The following FAM131A variants were observed in gnomAD, a reference collection of about 807,000 sequenced individuals.
The protein encoded by FAM131A is family with sequence similarity 131 member A.
Under a neutral mutation model 39.2 loss-of-function variants are expected in FAM131A, and 24 were observed. The ratio of observed to expected loss-of-function variants is 0.61; its 90% CI spans 0.44 to 0.86. FAM131A has a LOEUF of 0.86. Ranked by LOEUF, FAM131A falls within the 40% of genes least tolerant of loss-of-function variation. The pLI, the probability that FAM131A is intolerant of heterozygous loss-of-function variation, is 0.00. For missense variants in FAM131A, 373 were observed against 481.2 expected, an observed-to-expected ratio of 0.78 and a Z score of 2.10; for synonymous variants, 202 against 206.8, an observed-to-expected ratio of 0.98 and a Z score of 0.20.
At chr3:184,338,683 G>T in intron 2 of FAM131A, 154 bp downstream of exon 2, 1 of 943,826 alleles carries the variant, frequency 1.1e-6, no homozygotes. Flanking sequence ...CCCCCGTGCC[G>T]GTCTGCTCTG....
At chr3:184,341,992 C>T (rs769626974) in intron 3 of FAM131A, 74 bp from the exon 4 acceptor site, 3 of 1,581,892 alleles carry the variant, frequency 1.9e-6, no homozygotes, top group Non-Finnish European at 2.6e-6. Context: ...ACTACTGCCA[C>T]CCTTCCACCT....
chr3:184,341,917 C>G (rs746829802), intron 3 of FAM131A, 100 bp downstream of exon 3: 6 of 1,497,412 alleles, frequency 4.0e-6, no homozygotes, highest in South Asian at 1.1e-5. Context: ...TGGGGTCTCC[C>G]CTTTCTTCCC....
chr3:184,341,872 A>G, intron 3 of FAM131A, 55 bp downstream of exon 3: 1 of 1,590,602 alleles, frequency 6.3e-7, no homozygotes, highest in East Asian at 2.2e-5. Flanking sequence ...TCCCGTTTGC[A>G]CATCCCTTTG....
rs541804154 is a variant in FAM131A, at chr3:184,344,679, G to T, written c.810G>T (p.Arg270=). The T allele has an allele frequency of 3.7e-6, 6 of 1,612,362 alleles. No individual in the cohort carries two copies. The East Asian group carries it at 1.1e-4, about 30-fold the overall frequency. ...LEDGLLGSPA[R]LASQLLGDEL... ...ATGGGTTGTTGGGCTCCCCGGCCCG[G>T]CTGGCCTCCCAGCTGCTGGGCGATG... The change falls in exon 6 of 6, where the codon CGG becomes CGT. Residue 270 remains arginine, a synonymous_variant. Coordinates refer to ENST00000383847, the MANE Select transcript of FAM131A (RefSeq NM_144635.5).
intron 5 of FAM131A, among the ~76,000 whole-genome samples, 163 bp from the exon 6 acceptor site, chr3:184,344,332 T>C (rs986352826): frequency 3.9e-5 from 6 of 152,228 alleles, no homozygotes; most frequent in Non-Finnish European, 8.8e-5. Flanking sequence ...CAACTCACCA[T>C]TAAGGACACT....
At position 184,342,450 on chromosome 3, in the gene FAM131A, G is replaced by A. The variant is rs1187279940; in HGVS notation, c.508+202G>A. On this transcript the variant is annotated intron_variant, in intron 4 of 5. Coordinates refer to ENST00000383847, the MANE Select transcript of FAM131A (RefSeq NM_144635.5). This position sits in a 1 kb window ranked among gnomAD's most constrained non-coding sequence, Gnocchi z 4.6. The stretch of plus-strand genomic sequence containing the variant: ...AGCCTCCCAAGTAGCTGGGATTACA[G>A]TTGCCTGCCACCGTGCCTGGCTAAT... 6.6e-6 allele frequency among the ~76,000 whole-genome samples: 1 copy of A among 152,172 alleles called. No homozygotes were observed. Among genetic ancestry groups the A allele is most frequent in the African/African-American group, 2.4e-5 (1 of 41,432 alleles).
At chr3:184,341,847 C>T in intron 3 of FAM131A, 30 bp downstream of exon 3, 6 of 1,610,910 alleles carry the variant, frequency 3.7e-6, no homozygotes, top group Non-Finnish European at 4.2e-6. Context: ...TTTCTGGCCA[C>T]TTTGTCCTTT....
rs1727406470 is a variant in FAM131A at position 184,342,022 on chromosome 3, G to A, written c.326-44G>A. On this transcript the variant is annotated intron_variant, in intron 3 of 5. Transcript: ENST00000383847. This position sits in a 1 kb window ranked among gnomAD's most constrained non-coding sequence, Gnocchi z 4.6. ...CCACCTCCCTGCACCTGTGCTCCCT[G>A]GCCTGGTCCTTTACCAGGCTTCTCC... 1.2e-6 allele frequency: 2 copies of A among 1,609,566 alleles called. No homozygotes were observed. The highest frequency in any genetic ancestry group is 8.5e-7 in the Non-Finnish European group (1 of 1,175,874).
chr3:184,344,805 G>A lies in FAM131A; in HGVS notation c.936G>A (p.Glu312=). The A allele has an allele frequency of 1.2e-6, 2 of 1,612,352 alleles. No homozygotes were observed. The highest frequency in any genetic ancestry group is 1.7e-6 in the Non-Finnish European group (2 of 1,179,916). Reference sequence around the variant, plus strand: ...CACTCTACAACTCGCCCCTCACAGAGTCCTGCCTTTCCCCCGCGGAGGAGG... The same window carrying A: ...CACTCTACAACTCGCCCCTCACAGAATCCTGCCTTTCCCCCGCGGAGGAGG... ...QDSLYNSPLT[E]SCLSPAEEEP... Residue 312 remains glutamate (E), a synonymous_variant, in exon 6 of 6, where the codon GAG becomes GAA. Transcript: ENST00000383847.
rs751932351 is a variant in FAM131A at position 184,344,794 on chromosome 3, C to A, written c.925C>A (p.Pro309Thr). 1 of 1,612,284 alleles carries A rather than the reference C, an allele frequency of 6.2e-7. No individual in the cohort carries two copies. The highest frequency in any genetic ancestry group is 8.5e-7 in the Non-Finnish European group (1 of 1,179,918). ...GGCCCAGGACTCACTCTACAACTCG[C>A]CCCTCACAGAGTCCTGCCTTTCCCC... The part of the protein sequence containing the change: ...LEAQDSLYNS[P>T]LTESCLSPAE... Residue 309 changes from proline to threonine, a missense_variant, in exon 6 of 6, where the codon CCC becomes ACC. Pro to Thr is a conservative substitution (Grantham distance 38). Transcript: ENST00000383847.
In FAM131A at chr3:184,345,862, G is replaced by A. The variant is rs765138809; in HGVS notation, c.*892G>A. The A allele has an allele frequency of 2.7e-5, 13 of 481,608 alleles. No individual in the cohort carries two copies. Among genetic ancestry groups the A allele is most frequent in the East Asian group, 1.4e-4 (4 of 28,428 alleles). 29.8% of individuals were successfully genotyped at this position (481,608 alleles called of 1,614,324 possible). A position where few individuals can be genotyped will look rare whatever the true frequency, so the allele number is the denominator to read the frequency against. On this transcript the variant is annotated 3_prime_UTR_variant, in exon 6 of 6. Coordinates refer to ENST00000383847, the MANE Select transcript of FAM131A (RefSeq NM_144635.5). ...CCACAAGAGGGCCACAGGGGTGGCC[G>A]GGAGTTGTCAGCTGATGCCTGCTGA...
At chr3:184,338,039 G>A (rs1290084485) in intron 1 of FAM131A, among the ~76,000 whole-genome samples, 1 of 152,126 alleles carries the variant, frequency 6.6e-6, no homozygotes, top group African/African-American at 2.4e-5. Context: ...GTGGTGGGGG[G>A]GACAGTGATG....
intron 5 of FAM131A, chr3:184,343,095 G>T: frequency 4.0e-6 from 1 of 248,016 alleles, no homozygotes; most frequent in Non-Finnish European, 7.3e-6. Flanking sequence ...TTCTCTGCCT[G>T]TCTGCACAGT....
At chr3:184,344,295 C>T (rs1384850438) in intron 5 of FAM131A, among the ~76,000 whole-genome samples, 200 bp from the exon 6 acceptor site, 2 of 152,114 alleles carry the variant, frequency 1.3e-5, no homozygotes, top group African/African-American at 4.8e-5. Context: ...GTGTGCGAGA[C>T]TCTTGTTCTT....
chr3:184,336,269 G>C (rs1404173444), upstream of FAM131A: 1 of 152,470 alleles, frequency 6.6e-6, no homozygotes, highest in Non-Finnish European at 1.5e-5. This position sits in a 1 kb window ranked among gnomAD's most constrained non-coding sequence, Gnocchi z 5.5. Flanking sequence ...CAACAGGAGG[G>C]AGCGGGAATG....
chr3:184,337,339 G>A (rs941665570), upstream of FAM131A: 2 of 317,652 alleles, frequency 6.3e-6, no homozygotes, highest in Non-Finnish European at 1.2e-5. Flanking sequence ...GCTGGCCGAG[G>A]CTCAGGGATA....
upstream of FAM131A, chr3:184,337,313 T>G: frequency 7.6e-6 from 2 of 264,634 alleles, no homozygotes; most frequent in Non-Finnish European, 7.3e-6. Context: ...GTTGGTAGCA[T>G]TTCTGGGGAC....
At chr3:184,338,714 C>A (rs2108541570) in intron 2 of FAM131A, 185 bp downstream of exon 2, 1 of 681,086 alleles carries the variant, frequency 1.5e-6, no homozygotes, top group Non-Finnish European at 2.3e-6. Flanking sequence ...TGCCAGCAGG[C>A]GGAGAGCTCG....
In FAM131A at chr3:184,338,420, T is replaced by C. The variant is rs1376418347; in HGVS notation, c.122T>C (p.Ile41Thr). ...GACCCCGCTTGGGCTGTGGAGTGGA[T>C]CGAACTTCCTCGGGGTCTCTCTCTA... Reference protein sequence around the residue: ...SSDPAWAVEWIELPRGLSLSS... With the variant: ...SSDPAWAVEWTELPRGLSLSS... The change falls in exon 2 of 6, where the codon ATC becomes ACC. Residue 41 changes from isoleucine (I) to threonine (T), a missense_variant. By Grantham distance (89) the Ile-to-Thr change is moderately conservative. Transcript: ENST00000383847. 6.7e-7 allele frequency: 1 copy of C among 1,485,806 alleles called. No individual in the cohort carries two copies. The highest frequency in any genetic ancestry group is 8.9e-7 in the Non-Finnish European group (1 of 1,121,958). 92.0% of individuals were successfully genotyped at this position (1,485,806 alleles called of 1,614,324 possible). A position where few individuals can be genotyped will look rare whatever the true frequency, so the allele number is the denominator to read the frequency against.
Sources: gnomAD v4.1 joint callset for allele counts (sites outside exome capture counted in the v4.1 genomes callset) on GRCh38, gnomAD v4.1.1 for gene constraint, Gnocchi (gnomAD v3.1) non-coding constraint, MANE v1.5 for transcripts, NCBI Gene and HGNC (gene_info 2026-07-23, HGNC 2026-07-21) for gene names.